Variants in SATL1 observed in about 807,000 individuals in gnomAD.
SATL1 encodes spermidine/spermine N1-acetyl transferase like 1.
Under a neutral mutation model 51.8 loss-of-function variants are expected in SATL1, and 47 were observed. That is an observed-to-expected ratio of 0.91 (90% confidence interval 0.72 to 1.16). The LOEUF (loss-of-function observed/expected upper bound fraction) is 1.16, where lower values mean the gene tolerates loss of function less well. Ranked by LOEUF, SATL1 falls within the 50% of genes most tolerant of loss-of-function variation. The pLI is 0.00. For missense variants in SATL1, 520 were observed against 526.4 expected (o/e 0.99, Z 0.12); for synonymous variants, 176 against 182.4 (o/e 0.97, Z 0.28).
At chrX:85,115,205 G>C (rs1317630746) in intron 2 of SATL1, among the ~76,000 whole-genome samples, 1 of 111,974 alleles carries the variant, frequency 8.9e-6, no homozygotes, top group Admixed American at 9.5e-5. Flanking sequence ...TGCAGTACTT[G>C]GGGCTTGAGG....
In SATL1 at chrX:85,107,758, G is replaced by A. The variant is rs150924046; in HGVS notation, c.1211C>T (p.Ser404Leu). The A allele has an allele frequency of 3.4e-4, 412 of 1,210,251 alleles. 3 individuals carry two copies. The South Asian group carries it at 4.9e-3, about 14-fold the overall frequency. The change falls in exon 3 of 8, where the codon TCA (serine) becomes TTA (leucine). Residue 404 changes from serine to leucine, a missense_variant. Ser to Leu is a moderately radical substitution (Grantham distance 145). Transcript: ENST00000644105. ...GCTCATGCCTATTTGGCTTGTGCCT[G>A]ATTGGCTGGTGCCTACTTGTCTCAT... ...PSMRQVGTSQ[S>L]GTSQIGMSQP... is the part of the protein sequence containing the mutation.
intron 2 of SATL1, chrX:85,143,441 G>A (rs897816532): frequency 9.0e-6 from 1 of 111,321 alleles, no homozygotes; most frequent in Non-Finnish European, 1.9e-5. Context: ...TGGATCGCTT[G>A]TTTATACTGT....
intron 1 of SATL1, among the ~76,000 whole-genome samples, chrX:85,242,413 G>A (rs1316150921): frequency 8.9e-6 from 1 of 112,509 alleles, no homozygotes; most frequent in Non-Finnish European, 1.9e-5. Flanking sequence ...GCCAAATCTG[G>A]ACTGCTGCCT....
At chrX:85,163,216 T>C (rs1236739785) in intron 2 of SATL1, among the ~76,000 whole-genome samples, 2 of 110,093 alleles carry the variant, frequency 1.8e-5, no homozygotes, top group Non-Finnish European at 3.8e-5. Context: ...TTGTTGGCAA[T>C]TTCTTAATTA....
At chrX:85,232,495 C>T (rs1928401516) in intron 1 of SATL1, among the ~76,000 whole-genome samples, 1 of 111,904 alleles carries the variant, frequency 8.9e-6, no homozygotes, top group Non-Finnish European at 1.9e-5. Flanking sequence ...CTCTTGGGAT[C>T]CCTGAATCCA....
At chrX:85,120,911 G>T (rs1299001806) in intron 2 of SATL1, among the ~76,000 whole-genome samples, 1 of 111,399 alleles carries the variant, frequency 9.0e-6, no homozygotes, top group African/African-American at 3.3e-5. Context: ...GCCTTCAGTT[G>T]GCTGGAGTAT....
chrX:85,224,186 G>C lies in SATL1; in HGVS notation c.-313+19C>G, dbSNP rs1190774626. 9.0e-6 allele frequency: 1 copy of C among 111,379 alleles called. No individual in the cohort carries two copies. The highest frequency in any genetic ancestry group is 3.8e-4 in the South Asian group (1 of 2,606). 9.2% of individuals were successfully genotyped at this position (111,379 alleles called of 1,213,427 possible). ...GTCACGCTCCCTCCAGAGGCTCTAG[G>C]GGAAAATCCATTCCTTACCTCTTCC... On this transcript the variant is annotated intron_variant, in intron 2 of 7. Transcript: ENST00000644105.
chrX:85,103,686 T>G (rs1480536317), intron 4 of SATL1, among the ~76,000 whole-genome samples, 178 bp downstream of exon 4: 1 of 111,749 alleles, frequency 8.9e-6, no homozygotes, highest in Non-Finnish European at 1.9e-5. Flanking sequence ...TAAGTATCAT[T>G]TTTGTACTAA....
At chrX:85,145,877 A>G (rs746124284) in intron 2 of SATL1, among the ~76,000 whole-genome samples, 2 of 106,011 alleles carry the variant, frequency 1.9e-5, no homozygotes, top group Non-Finnish European at 3.9e-5. Flanking sequence ...CCACATTCAC[A>G]TAACATTTAT....
At chrX:85,119,946 G>T (rs1328550086) in intron 2 of SATL1, among the ~76,000 whole-genome samples, 2 of 112,000 alleles carry the variant, frequency 1.8e-5, no homozygotes, top group African/African-American at 6.5e-5. Context: ...ATAAAAAAAT[G>T]TTCAAGTACT....
Position 85,107,813 on chromosome X carries a change from T to G in SATL1, c.1156A>C (p.Met386Leu). 8.3e-7 allele frequency: 1 copy of G among 1,211,714 alleles called. No individual in the cohort carries two copies. ...ISQPVMWQLD[M>L]RQSGGSQPSM... ...GGTTGGCTCCCACCTGACTGTCTCA[T>G]GTCTAGTTGCCACATCACTGGTTGG... is the stretch of plus-strand genomic sequence containing the variant. Residue 386 changes from methionine (M) to leucine (L), a missense_variant, in exon 3 of 8, where the codon ATG becomes CTG. Physicochemically the swap from Met to Leu is conservative, Grantham distance 15. Transcript: ENST00000644105.
Position 85,109,283 on chromosome X carries a change from G to C in SATL1, c.-312-3C>G. ...TCAGGTTGTCATCTGGCCTTTCCCT[G>C]CCAAAAGGGGGGAAGTAAAGGGAAG... On this transcript the variant is annotated splice_polypyrimidine_tract_variant and splice_region_variant and intron_variant, in intron 2 of 7. Transcript: ENST00000644105. 1 of 323,028 alleles carries C rather than the reference G, an allele frequency of 3.1e-6. No homozygotes were observed. Among genetic ancestry groups the C allele is most frequent in the Non-Finnish European group, 5.4e-6 (1 of 184,301 alleles). The allele number at this position is 323,028 out of a possible 1,213,427, so 26.6% of individuals were successfully genotyped here.
chrX:85,162,379 C>T (rs1926741697), intron 2 of SATL1, among the ~76,000 whole-genome samples: 1 of 111,182 alleles, frequency 9.0e-6, no homozygotes. Context: ...GATTTGTGTA[C>T]ATTGATTTTG....
At chrX:85,143,633 G>C (rs952380428) in intron 2 of SATL1, 1 of 111,447 alleles carries the variant, frequency 9.0e-6, no homozygotes, top group Admixed American at 9.6e-5. Flanking sequence ...ACAAGCAAAG[G>C]TTCTGTTGTT....
intron 2 of SATL1, among the ~76,000 whole-genome samples, chrX:85,160,402 T>C (rs1247322979): frequency 9.1e-6 from 1 of 110,113 alleles, no homozygotes; most frequent in African/African-American, 3.3e-5. Flanking sequence ...GGTGCAGCAG[T>C]AAATTGAAAC....
At chrX:85,195,641 T>C (rs1456788192) in intron 2 of SATL1, among the ~76,000 whole-genome samples, 2 of 109,636 alleles carry the variant, frequency 1.8e-5, no homozygotes, top group Non-Finnish European at 3.8e-5. Context: ...GGTGAAACCT[T>C]GTCTCTACTG....
intron 1 of SATL1, among the ~76,000 whole-genome samples, chrX:85,240,488 A>G (rs1318234700): frequency 9.0e-6 from 1 of 111,657 alleles, no homozygotes; most frequent in African/African-American, 3.3e-5. Flanking sequence ...TACATTTACT[A>G]ACTGTATTTC....
chrX:85,125,321 G>C (rs1337431556), intron 2 of SATL1, among the ~76,000 whole-genome samples: 1 of 111,058 alleles, frequency 9.0e-6, no homozygotes, highest in Non-Finnish European at 1.9e-5. Flanking sequence ...GTATGAGAGA[G>C]TATAACAAAG....
At chrX:85,237,323 C>T (rs923388971) in intron 1 of SATL1, among the ~76,000 whole-genome samples, 7 of 111,300 alleles carry the variant, frequency 6.3e-5, no homozygotes, top group African/African-American at 9.8e-5. Flanking sequence ...GTAAACAAAG[C>T]AGCATGGTCT....
Sources: allele counts gnomAD v4.1 joint callset (sites outside exome capture counted in the v4.1 genomes callset), GRCh38; gene constraint gnomAD v4.1.1; transcripts MANE v1.5; gene names NCBI Gene and HGNC (gene_info 2026-07-23, HGNC 2026-07-21).